OSBPL8: variants seen among roughly 807,000 people sequenced by gnomAD.
OSBPL8 encodes the protein oxysterol-binding protein-related protein 8.
A neutral mutation model predicts 125.5 loss-of-function variants in OSBPL8; 59 were observed. The ratio of observed to expected loss-of-function variants is 0.47; its 90% CI spans 0.38 to 0.58. The LOEUF is 0.58. Among genes scored for constraint, OSBPL8 ranks in the 20% least tolerant of loss-of-function variants. The pLI, the probability that OSBPL8 is intolerant of heterozygous loss-of-function variation, is 0.00. For synonymous variants in OSBPL8, 330 were observed against 338.9 expected, an observed-to-expected ratio of 0.97 and a Z score of 0.29; for missense variants, 758 against 1,047.8, an observed-to-expected ratio of 0.72 and a Z score of 3.82.
intron 1 of OSBPL8, among the ~76,000 whole-genome samples, chr12:76,548,651 T>C (rs1950851056): frequency 6.6e-6 from 1 of 152,074 alleles, no homozygotes; most frequent in South Asian, 2.1e-4. Flanking sequence ...GCCTAGCAGC[T>C]AGCTCCTCTC....
chr12:76,397,938 C>T (rs766082950), intron 7 of OSBPL8, 41 bp from the exon 8 acceptor site: 7 of 1,568,364 alleles, frequency 4.5e-6, no homozygotes, highest in Non-Finnish European at 6.1e-6. Flanking sequence ...AAGATCTGTT[C>T]TCCAAGGTCC....
At chr12:76,467,802 T>C (rs1178705438) in intron 2 of OSBPL8, among the ~76,000 whole-genome samples, 2 of 151,996 alleles carry the variant, frequency 1.3e-5, no homozygotes, top group African/African-American at 4.8e-5. Context: ...CATACCAGAA[T>C]TTAAAAACAT....
At position 76,351,946 on chromosome 12, in the gene OSBPL8, C is replaced by T. The variant is rs1296742821; in HGVS notation, c.*3943G>A. The T allele has an allele frequency of 6.6e-6, 1 of 152,098 alleles. No individual in the cohort carries two copies. Among genetic ancestry groups the T allele is most frequent in the Non-Finnish European group, 1.5e-5 (1 of 68,014 alleles). 9.4% of individuals were successfully genotyped at this position (152,098 alleles called of 1,614,324 possible). On this transcript the variant is annotated 3_prime_UTR_variant, in exon 24 of 24. Transcript: ENST00000261183. Reference sequence around the variant, plus strand: ...AATGTACTACATTACAAAACAGTGGCCTATAACTATCTGTACATTTACTGT... The same window carrying T: ...AATGTACTACATTACAAAACAGTGGTCTATAACTATCTGTACATTTACTGT...
At chr12:76,409,457 C>G (rs967017627) in intron 5 of OSBPL8, among the ~76,000 whole-genome samples, 13 of 152,238 alleles carry the variant, frequency 8.5e-5, no homozygotes, top group African/African-American at 3.1e-4. Context: ...TTTCCCTGTT[C>G]TTTTGGGTCT....
intron 2 of OSBPL8, among the ~76,000 whole-genome samples, chr12:76,473,487 T>A (rs1018084497): frequency 2.6e-5 from 4 of 152,246 alleles, no homozygotes; most frequent in Non-Finnish European, 5.9e-5. Context: ...TAGATGCACA[T>A]TGAAATCAAC....
At chr12:76,535,334 G>A (rs979628611) in intron 1 of OSBPL8, among the ~76,000 whole-genome samples, 3 of 151,814 alleles carry the variant, frequency 2.0e-5, no homozygotes, top group Non-Finnish European at 4.4e-5. Context: ...AAATACAAAT[G>A]GCTAATAAAT....
chr12:76,528,635 T>C (rs1237667957), intron 1 of OSBPL8, among the ~76,000 whole-genome samples: 1 of 151,956 alleles, frequency 6.6e-6, no homozygotes, highest in African/African-American at 2.4e-5. Flanking sequence ...AAAAGATAGT[T>C]GTCACAAGCC....
chr12:76,525,018 T>G (rs1950132089), intron 1 of OSBPL8, among the ~76,000 whole-genome samples: 1 of 152,098 alleles, frequency 6.6e-6, no homozygotes, highest in African/African-American at 2.4e-5. Flanking sequence ...CGGTGATCAA[T>G]TTGCAAACTC....
At chr12:76,516,850 T>C (rs1043512983) in intron 1 of OSBPL8, among the ~76,000 whole-genome samples, 1 of 151,012 alleles carries the variant, frequency 6.6e-6, no homozygotes, top group Non-Finnish European at 1.5e-5. Context: ...AGACTAGCTC[T>C]GTTGTTCAGG....
intron 15 of OSBPL8, 47 bp downstream of exon 15, chr12:76,384,207 A>G (rs368888291): frequency 2.6e-6 from 3 of 1,160,942 alleles, no homozygotes; most frequent in South Asian, 4.0e-5. Context: ...CTCACCAGAA[A>G]ATAATACCTC....
intron 1 of OSBPL8, among the ~76,000 whole-genome samples, chr12:76,520,053 TATAAA>T (rs1304429156): frequency 1.3e-5 from 2 of 152,302 alleles, no homozygotes; most frequent in African/African-American, 4.8e-5. Context: ...CAAACCCTCC[TATAAA>T]ATATCTCAGA....
chr12:76,524,706 C>T (rs1377183321), intron 1 of OSBPL8, among the ~76,000 whole-genome samples: 5 of 141,734 alleles, frequency 3.5e-5, no homozygotes, highest in East Asian at 2.0e-4. Context: ...TTTTTTGAGA[C>T]GGAGTCTTGC....
intron 2 of OSBPL8, among the ~76,000 whole-genome samples, chr12:76,463,121 G>A (rs573006182): frequency 6.6e-6 from 1 of 152,288 alleles, no homozygotes; most frequent in East Asian, 1.9e-4. Context: ...AGAGAGACAA[G>A]GGTATAATCA....
At chr12:76,466,976 AT>A (rs2136885732) in intron 2 of OSBPL8, among the ~76,000 whole-genome samples, 1 of 152,094 alleles carries the variant, frequency 6.6e-6, no homozygotes, top group South Asian at 2.1e-4. Context: ...AAAAAAAAAA[AT>A]CTTTTTTTAA....
intron 4 of OSBPL8, among the ~76,000 whole-genome samples, chr12:76,446,312 CA>C (rs1224780056): frequency 6.6e-6 from 1 of 152,052 alleles, no homozygotes. Context: ...TCACCATGAC[CA>C]AAAGCTAACA....
intron 4 of OSBPL8, among the ~76,000 whole-genome samples, chr12:76,446,931 C>T (rs745392671): frequency 1.3e-5 from 2 of 152,152 alleles, no homozygotes; most frequent in Non-Finnish European, 2.9e-5. Flanking sequence ...ATTACGCCTT[C>T]AATCAAAAAA....
chr12:76,404,089 A>G (rs964538043), intron 5 of OSBPL8, among the ~76,000 whole-genome samples: 5 of 152,338 alleles, frequency 3.3e-5, no homozygotes, highest in African/African-American at 9.6e-5. Flanking sequence ...ACCTAGTTAA[A>G]CTTTTGGGAA....
chr12:76,550,818 A>C (rs1533188), intron 1 of OSBPL8, among the ~76,000 whole-genome samples: 75,388 of 152,002 alleles, frequency 0.5, 20,441 homozygotes, highest in East Asian at 0.9. Context: ...ATCAACATTA[A>C]GGCTGGGTAC....
At chr12:76,411,515 T>C (rs1042318419) in intron 4 of OSBPL8, among the ~76,000 whole-genome samples, 5 of 152,070 alleles carry the variant, frequency 3.3e-5, no homozygotes, top group Non-Finnish European at 5.9e-5. Flanking sequence ...CCTAAAGTAT[T>C]TTAAAAACAC....
Sources: allele counts gnomAD v4.1 joint callset (sites outside exome capture counted in the v4.1 genomes callset), GRCh38; gene constraint gnomAD v4.1.1; transcripts MANE v1.5; gene names NCBI Gene and HGNC (gene_info 2026-07-23, HGNC 2026-07-21).